The following CLASP1 variants were observed in gnomAD, a reference collection of about 807,000 sequenced individuals.
CLASP1 encodes the protein CLIP-associating protein 1.
In CLASP1, 38 loss-of-function variants were observed where a neutral mutation model predicts 192.3. That is an observed-to-expected ratio of 0.20 (90% CI 0.15 to 0.26). CLASP1 has a LOEUF of 0.26. CLASP1 is among the 10% of genes least tolerant of loss of function. CLASP1 has a pLI of 1.00. For synonymous variants in CLASP1, 691 were observed against 712.8 expected, an observed-to-expected ratio of 0.97 and a Z score of 0.49; for missense variants, 1,433 against 1,932.5, an observed-to-expected ratio of 0.74 and a Z score of 4.85.
chr2:121,412,501 A>G (rs545353058), intron 23 of CLASP1, among the ~76,000 whole-genome samples: 2 of 152,162 alleles, frequency 1.3e-5, no homozygotes, highest in Admixed American at 6.5e-5. Context: ...AAGGGTAGAT[A>G]GTAGGAGACT....
At chr2:121,617,791 T>G (rs1046551126) in intron 1 of CLASP1, among the ~76,000 whole-genome samples, 3 of 152,196 alleles carry the variant, frequency 2.0e-5, no homozygotes, top group Middle Eastern at 3.2e-3. Flanking sequence ...TCTTGTCCCC[T>G]CACACTGCTC....
At position 121,430,181 on chromosome 2, in the gene CLASP1, G is replaced by A; in HGVS notation, c.1913-4C>T. On this transcript the variant is annotated splice_polypyrimidine_tract_variant and splice_region_variant and intron_variant, in intron 19 of 39. Coordinates refer to ENST00000263710, the Ensembl canonical transcript of CLASP1. ...TGCCGTCTTGTGCGGATCCGACCTGGAGGACACAGCAAAAACAGTGTTTCA... is the reference window on the plus strand; with the variant it reads ...TGCCGTCTTGTGCGGATCCGACCTGAAGGACACAGCAAAAACAGTGTTTCA... 1 of 1,556,698 alleles carries A rather than the reference G, an allele frequency of 6.4e-7. No homozygotes were observed. Among genetic ancestry groups the A allele is most frequent in the Non-Finnish European group, 8.7e-7 (1 of 1,149,152 alleles).
chr2:121,589,097 G>T (rs1366773668), intron 2 of CLASP1, among the ~76,000 whole-genome samples: 1 of 152,102 alleles, frequency 6.6e-6, no homozygotes, highest in Non-Finnish European at 1.5e-5. Flanking sequence ...TGCAGCCACG[G>T]GGCAGACAGA....
intron 7 of CLASP1, among the ~76,000 whole-genome samples, chr2:121,506,206 G>A (rs1293031104): frequency 6.6e-6 from 1 of 152,184 alleles, no homozygotes; most frequent in Non-Finnish European, 1.5e-5. Context: ...ATCATGGCAA[G>A]TGTGAAAACC....
chr2:121,613,629 T>TTTA (rs200355283), intron 1 of CLASP1, among the ~76,000 whole-genome samples: 17 of 148,864 alleles, frequency 1.1e-4, no homozygotes, highest in African/African-American at 2.7e-4. Context: ...CCTTTTTTTT[T>TTTA]AAAAAAAAAA....
chr2:121,591,834 C>T (rs2062435129), intron 2 of CLASP1, among the ~76,000 whole-genome samples: 1 of 152,216 alleles, frequency 6.6e-6, no homozygotes, highest in Non-Finnish European at 1.5e-5. Context: ...TATAACCACA[C>T]CTATTTGTTC....
chr2:121,471,381 GT>G (rs2090697937), intron 8 of CLASP1, among the ~76,000 whole-genome samples: 1 of 152,144 alleles, frequency 6.6e-6, no homozygotes, highest in Non-Finnish European at 1.5e-5. Context: ...ATAAGAGTGA[GT>G]CATTTAGGAG....
intron 8 of CLASP1, among the ~76,000 whole-genome samples, chr2:121,478,889 A>ACACCACACACACAC (rs746771259): frequency 8.8e-5 from 1 of 11,310 alleles, no homozygotes; most frequent in Non-Finnish European, 2.0e-4. Flanking sequence ...CACACACACC[A>ACACCACACACACAC]CACACACACA....
intron 7 of CLASP1, among the ~76,000 whole-genome samples, chr2:121,513,396 G>C (rs1040781266): frequency 1.3e-5 from 2 of 152,148 alleles, no homozygotes; most frequent in Non-Finnish European, 2.9e-5. Flanking sequence ...TTTCTATTCA[G>C]AGGTCCAAGT....
At chr2:121,582,478 G>T (rs901595900) in intron 2 of CLASP1, among the ~76,000 whole-genome samples, 1 of 150,308 alleles carries the variant, frequency 6.7e-6, no homozygotes, top group Non-Finnish European at 1.5e-5. Flanking sequence ...CATGTTTTTG[G>T]AAGGAAGGAA....
intron 37 of CLASP1, among the ~76,000 whole-genome samples, chr2:121,359,743 G>A (rs1395234390): frequency 6.6e-6 from 1 of 152,188 alleles, no homozygotes; most frequent in Non-Finnish European, 1.5e-5. Context: ...TAGGGACTAT[G>A]AAAACATTAT....
chr2:121,404,592 G>A (rs903433583), intron 25 of CLASP1, among the ~76,000 whole-genome samples, 158 bp from the exon 27 acceptor site: 12 of 152,072 alleles, frequency 7.9e-5, no homozygotes, highest in African/African-American at 2.7e-4. Flanking sequence ...TCAGCCTCCC[G>A]AGTAGCTGGG....
intron 34 of CLASP1, among the ~76,000 whole-genome samples, chr2:121,372,499 A>G (rs895501118): frequency 6.6e-6 from 1 of 152,252 alleles, no homozygotes; most frequent in African/African-American, 2.4e-5. Flanking sequence ...CTCGATGGAT[A>G]TATTTGCTTG....
At chr2:121,470,573 ACT>A in intron 8 of CLASP1, 1 of 407,346 alleles carries the variant, frequency 2.5e-6, no homozygotes, top group Non-Finnish European at 4.8e-6. Flanking sequence ...CAAGTGAAAC[ACT>A]CTTATTGTTA....
At chr2:121,398,966 CAG>C (rs1345944264) in intron 28 of CLASP1, among the ~76,000 whole-genome samples, 1 of 152,188 alleles carries the variant, frequency 6.6e-6, no homozygotes, top group Non-Finnish European at 1.5e-5. Context: ...CTCTCTTGGC[CAG>C]AGAGTCAGTG....
At chr2:121,558,085 GAA>G (rs397961554) in intron 2 of CLASP1, among the ~76,000 whole-genome samples, 2 of 79,344 alleles carry the variant, frequency 2.5e-5, no homozygotes. Flanking sequence ...GTCTCAAAAA[GAA>G]AAAAAAAAAA....
At chr2:121,605,960 A>G in exon 2 of CLASP1, 1 of 1,460,642 alleles carries the variant, frequency 6.8e-7, no homozygotes, top group Non-Finnish European at 9.4e-7. Context: ...CTCCCAGCAG[A>G]CGTATCTGGG....
chr2:121,593,150 G>A (rs747513041), intron 2 of CLASP1, among the ~76,000 whole-genome samples: 1 of 152,166 alleles, frequency 6.6e-6, no homozygotes, highest in African/African-American at 2.4e-5. Flanking sequence ...TGTGCCTCCC[G>A]ATGTGAGGCA....
chr2:121,498,201 C>CTTTTTTTTTTT lies in CLASP1; in HGVS notation c.712+4955_712+4965dup, dbSNP rs70954551. On this transcript the variant is annotated intron_variant, in intron 8 of 39. Coordinates refer to ENST00000263710, the Ensembl canonical transcript of CLASP1. ...ACTGTGGTAAAATAGGTAATAGTTT[C>CTTTTTTTTTTT]TTTTTTTTTTTTTTTTTTCTGAGAC... Among the ~76,000 whole-genome samples the CTTTTTTTTTTT allele has an allele frequency of 9.8e-4, 117 of 119,086 alleles. 6 individuals carry two copies. The highest frequency in any genetic ancestry group is 3.9e-3 in the African/African-American group (105 of 27,024). 78.1% of individuals were successfully genotyped at this position (119,086 alleles called of 152,430 possible). A position where few individuals can be genotyped will look rare whatever the true frequency, so the allele number is the denominator to read the frequency against.
Sources: gnomAD v4.1 joint callset for allele counts (sites outside exome capture counted in the v4.1 genomes callset) on GRCh38, gnomAD v4.1.1 for gene constraint, MANE v1.5 for transcripts, NCBI Gene and HGNC (gene_info 2026-07-23, HGNC 2026-07-21) for gene names.